The following SERPINF1 variants were observed in gnomAD, a reference collection of about 807,000 sequenced individuals.
SERPINF1 encodes the protein serpin family F member 1.
SERPINF1 carries 29 observed loss-of-function variants against 37.3 expected under a neutral mutation model. The ratio of observed to expected loss-of-function variants is 0.78; its 90% CI spans 0.58 to 1.06. The LOEUF is 1.06. SERPINF1 is among the 50% of genes least tolerant of loss of function. The pLI is 0.00. For missense variants in SERPINF1, 553 were observed against 532.2 expected (o/e 1.04, Z -0.38); for synonymous variants, 281 against 227.9 (o/e 1.23, Z -2.10).
At chr17:1,762,280 G>C (rs886764914) in intron 1 of SERPINF1, 167 bp downstream of exon 1, 1 of 152,916 alleles carries the variant, frequency 6.5e-6, no homozygotes, top group African/African-American at 2.4e-5. Flanking sequence ...AAGGGTGAGT[G>C]GATGAGAGAG....
At chr17:1,765,865 T>TCC (rs1413272754) in intron 1 of SERPINF1, among the ~76,000 whole-genome samples, 1 of 62,290 alleles carries the variant, frequency 1.6e-5, no homozygotes, top group Non-Finnish European at 3.3e-5. Context: ...AGATCTTGTC[T>TCC]CCCAAAAAAA....
chr17:1,771,971 T>C lies in SERPINF1; in HGVS notation c.539T>C (p.Ile180Thr), dbSNP rs779079021. ...AACCCTCGCTTGGACCTGCAAGAGATCAACAACTGGGTGCAGGCGCAGATG... is the reference window on the plus strand; with the variant it reads ...AACCCTCGCTTGGACCTGCAAGAGACCAACAACTGGGTGCAGGCGCAGATG... ...TGNPRLDLQE[I>T]NNWVQAQMKG... The change falls in exon 5 of 8, where the codon ATC becomes ACC. Residue 180 changes from isoleucine to threonine, a missense_variant. By Grantham distance (89) the Ile-to-Thr change is moderately conservative. Transcript: ENST00000254722. The C allele has an allele frequency of 6.2e-7, 1 of 1,613,246 alleles. No individual in the cohort carries two copies. Among genetic ancestry groups the C allele is most frequent in the Non-Finnish European group, 8.5e-7 (1 of 1,179,930 alleles).
At chr17:1,768,159 C>T (rs974045321) in intron 2 of SERPINF1, among the ~76,000 whole-genome samples, 6 of 152,002 alleles carry the variant, frequency 3.9e-5, no homozygotes, top group South Asian at 2.1e-4. Context: ...GGGCCGGGCG[C>T]GGTGGCTCAC....
At position 1,775,103 on chromosome 17, in the gene SERPINF1, A is replaced by G. The variant is rs1288064505; in HGVS notation, c.689A>G (p.Asp230Gly). ...KFDSRKTSLE[D>G]FYLDEERTVR... is the part of the protein sequence containing the mutation. ...GACTCCAGAAAGACTTCCCTCGAGG[A>G]TTTCTACTTGGATGAAGAGAGGACC... is the stretch of plus-strand genomic sequence containing the variant. Residue 230 changes from aspartate to glycine, a missense_variant, in exon 6 of 8, where the codon GAT becomes GGT. Coordinates refer to ENST00000254722, the MANE Select transcript of SERPINF1 (RefSeq NM_002615.7). 5 of 1,613,634 alleles carry G rather than the reference A, an allele frequency of 3.1e-6. No individual in the cohort carries two copies. The African/African-American group carries it at 6.7e-5, about 22-fold the overall frequency.
chr17:1,768,297 G>A (rs542679132), intron 2 of SERPINF1, among the ~76,000 whole-genome samples: 248 of 151,792 alleles, frequency 1.6e-3, no homozygotes, highest in Middle Eastern at 3.4e-3. Flanking sequence ...TGGGTGTGGT[G>A]GGGGGCGCCT....
chr17:1,770,690 G>A, intron 3 of SERPINF1: 1 of 341,174 alleles, frequency 2.9e-6, no homozygotes, highest in East Asian at 7.6e-5. Flanking sequence ...AAACTCCCGG[G>A]CTCAAGCGAT....
intron 5 of SERPINF1, among the ~76,000 whole-genome samples, chr17:1,774,780 C>T (rs969513213): frequency 3.9e-5 from 6 of 152,174 alleles, no homozygotes; most frequent in Non-Finnish European, 7.3e-5. Context: ...ACTTTTCCTG[C>T]AGGCTATCAC....
intron 3 of SERPINF1, 46 bp downstream of exon 3, chr17:1,770,096 C>T (rs1907636187): frequency 1.3e-6 from 2 of 1,591,156 alleles, no homozygotes; most frequent in Non-Finnish European, 1.7e-6. Context: ...TGGAGAGGCC[C>T]CCTGTGGCCT....
chr17:1,770,036 C>T lies in SERPINF1; in HGVS notation c.269C>T (p.Ser90Leu), dbSNP rs144853088. ...LSPLSVATAL[S>L]ALSLGAEQRT... ...CCTCTCAGTGTGGCCACGGCCCTCT[C>T]GGCCCTCTCGCTGGGTGAGTGCTCA... is the stretch of plus-strand genomic sequence containing the variant. The change falls in exon 3 of 8, where the codon TCG becomes TTG. Residue 90 changes from serine (S) to leucine (L), a missense_variant. Coordinates refer to ENST00000254722, the MANE Select transcript of SERPINF1 (RefSeq NM_002615.7). 1.3e-5 allele frequency: 21 copies of T among 1,614,068 alleles called. No individual in the cohort carries two copies. The highest frequency in any genetic ancestry group is 6.7e-5 in the African/African-American group (5 of 74,946).
rs1217192022 is a variant in SERPINF1 at position 1,777,387 on chromosome 17, G to A, written c.1198G>A (p.Asp400Asn). ...LNQPFIFVLR[D>N]TDTGALLFIG... is the part of the protein sequence containing the mutation. ...CCAGCCTTTCATCTTCGTACTGAGG[G>A]ACACAGACACAGGGGCCCTTCTCTT... Residue 400 changes from aspartate (D) to asparagine (N), a missense_variant, in exon 8 of 8, where the codon GAC (aspartate) becomes AAC (asparagine). Asp to Asn is a conservative substitution (Grantham distance 23). Transcript: ENST00000254722. 1 of 1,614,060 alleles carries A rather than the reference G, an allele frequency of 6.2e-7. No homozygotes were observed. Among genetic ancestry groups the A allele is most frequent in the East Asian group, 2.2e-5 (1 of 44,864 alleles).
intron 6 of SERPINF1, among the ~76,000 whole-genome samples, chr17:1,776,039 G>C (rs1168342508): frequency 6.6e-6 from 1 of 152,100 alleles, no homozygotes. Flanking sequence ...GACACCATCT[G>C]TTCCATGGAC....
At chr17:1,772,652 A>G (rs1907821740) in intron 5 of SERPINF1, among the ~76,000 whole-genome samples, 1 of 151,888 alleles carries the variant, frequency 6.6e-6, no homozygotes, top group African/African-American at 2.4e-5. Context: ...TCTGCCTTCC[A>G]GGTTCACACC....
chr17:1,771,976 A>C lies in SERPINF1; in HGVS notation c.544A>C (p.Asn182His). ...NPRLDLQEIN[N>H]WVQAQMKGKL... ...TCGCTTGGACCTGCAAGAGATCAAC[A>C]ACTGGGTGCAGGCGCAGATGAAAGG... Residue 182 changes from asparagine to histidine, a missense_variant, in exon 5 of 8, where the codon AAC (asparagine) becomes CAC (histidine). Asn to His is a moderately conservative substitution (Grantham distance 68). Transcript: ENST00000254722. 6.2e-7 allele frequency: 1 copy of C among 1,613,944 alleles called. No individual in the cohort carries two copies. Among genetic ancestry groups the C allele is most frequent in the Admixed American group, 1.7e-5 (1 of 59,956 alleles).
chr17:1,772,015 T>C lies in SERPINF1; in HGVS notation c.583T>C (p.Ser195Pro), dbSNP rs1186985884. The C allele has an allele frequency of 6.2e-7, 1 of 1,613,356 alleles. No homozygotes were observed. Among genetic ancestry groups the C allele is most frequent in the Non-Finnish European group, 8.5e-7 (1 of 1,179,932 alleles). The change falls in exon 5 of 8, where the codon TCC becomes CCC. Residue 195 changes from serine (S) to proline (P), a missense_variant. Transcript: ENST00000254722. ...QAQMKGKLAR[S>P]TKEIPDEISI... ...GCAGATGAAAGGGAAGCTCGCCAGG[T>C]CCACAAAGGAAATTCCCGATGAGAT...
At chr17:1,772,147 T>C in intron 5 of SERPINF1, 72 bp downstream of exon 5, 1 of 1,486,454 alleles carries the variant, frequency 6.7e-7, no homozygotes, top group Non-Finnish European at 9.1e-7. Context: ...GATGGAGTCT[T>C]ACTCTGTAGT....
intron 5 of SERPINF1, 58 bp from the exon 6 acceptor site, chr17:1,774,999 TG>T: frequency 6.2e-7 from 1 of 1,610,232 alleles, no homozygotes; most frequent in Non-Finnish European, 8.5e-7. Context: ...GGACACAGCA[TG>T]GCGCCACTGT....
chr17:1,773,584 T>C (rs933662234), intron 5 of SERPINF1, among the ~76,000 whole-genome samples: 2 of 152,230 alleles, frequency 1.3e-5, no homozygotes, highest in African/African-American at 4.8e-5. Context: ...CTGCCTGTAC[T>C]AGCTGAGGAA....
chr17:1,771,250 CTT>C lies in SERPINF1; in HGVS notation c.439+81_439+82del, dbSNP rs58039181. The C allele has an allele frequency of 0.07, 81,470 of 1,167,282 alleles. 1,519 individuals carry two copies. The highest frequency in any genetic ancestry group is 0.3 in the African/African-American group (17,336 of 58,634). The allele number at this position is 1,167,282 out of a possible 1,614,324, so 72.3% of individuals were successfully genotyped here. A position where few individuals can be genotyped will look rare whatever the true frequency, so the allele number is the denominator to read the frequency against. On this transcript the variant is annotated intron_variant, in intron 4 of 7. Transcript: ENST00000254722. ...GCTCCATGCTGCAGGCTGGGGGGGT[CTT>C]TTTTTTTTTTTTTTGAGACGGAGTC...
chr17:1,771,283 C>G (rs1008558930), intron 4 of SERPINF1, 99 bp downstream of exon 4: 8 of 1,278,166 alleles, frequency 6.3e-6, no homozygotes, highest in Non-Finnish European at 8.5e-6. Context: ...GAGTCTCGCT[C>G]TGTTGCCCAG....
Sources: allele counts gnomAD v4.1 joint callset (sites outside exome capture counted in the v4.1 genomes callset), GRCh38; gene constraint gnomAD v4.1.1; transcripts MANE v1.5; gene names NCBI Gene and HGNC (gene_info 2026-07-23, HGNC 2026-07-21).